Variants in CFAP54 observed in about 807,000 individuals in gnomAD.
CFAP54 encodes the protein cilia- and flagella-associated protein 54.
A neutral mutation model predicts 370.4 loss-of-function variants in CFAP54; 290 were observed. The ratio of observed to expected loss-of-function variants is 0.78; its 90% CI spans 0.71 to 0.86. The LOEUF is 0.86. Among genes scored for constraint, CFAP54 ranks in the 40% least tolerant of loss-of-function variants. The pLI, the probability that CFAP54 is intolerant of heterozygous loss-of-function variation, is 0.00. For synonymous variants in CFAP54, 1,206 were observed against 1,236.5 expected, an observed-to-expected ratio of 0.98 and a Z score of 0.52; for missense variants, 3,399 against 3,528.7, an observed-to-expected ratio of 0.96 and a Z score of 0.93.
chr12:96,843,753 G>T (rs1959257371), intron 66 of CFAP54, among the ~76,000 whole-genome samples: 1 of 152,180 alleles, frequency 6.6e-6, no homozygotes, highest in African/African-American at 2.4e-5. Context: ...CAATTTACAT[G>T]TGTCGAGTTA....
intron 1 of CFAP54, among the ~76,000 whole-genome samples, chr12:96,497,620 A>G (rs1323003778): frequency 6.6e-6 from 1 of 152,236 alleles, no homozygotes; most frequent in Non-Finnish European, 1.5e-5. Flanking sequence ...ACAGTTGAAG[A>G]AACAACCTAA....
chr12:96,624,131 C>A (rs1166120765), intron 28 of CFAP54, among the ~76,000 whole-genome samples: 3 of 152,196 alleles, frequency 2.0e-5, no homozygotes, highest in African/African-American at 7.2e-5. Flanking sequence ...GAGCCTGTGT[C>A]TTCTGACTCT....
Position 96,720,392 on chromosome 12 carries a change from A to T in CFAP54, c.6805-13A>T. 1.4e-6 allele frequency: 2 copies of T among 1,459,806 alleles called. No homozygotes were observed. Among genetic ancestry groups the T allele is most frequent in the Non-Finnish European group, 1.8e-6 (2 of 1,095,730 alleles). The allele number at this position is 1,459,806 out of a possible 1,614,324, so 90.4% of individuals were successfully genotyped here. ...TTTCTGAACTCACGTGATGTATGGT[A>T]TCCTTTCCTTAGTCGATGTTACTGA... is the stretch of plus-strand genomic sequence containing the variant. On this transcript the variant is annotated splice_polypyrimidine_tract_variant and intron_variant, in intron 49 of 67. Transcript: ENST00000524981.
chr12:96,654,749 T>A lies in CFAP54; in HGVS notation c.5100+2934T>A, dbSNP rs74897146. ...GCTATCTACCTTTCCACTGTTAACC[T>A]CCATATGTTCACATTTTTTAGCTGC... On this transcript the variant is annotated intron_variant, in intron 36 of 67. Transcript: ENST00000524981. Among the ~76,000 whole-genome samples the A allele has an allele frequency of 7.4e-3, 1,132 of 151,990 alleles. 5 individuals carry two copies. The highest frequency in any genetic ancestry group is 0.014 in the Admixed American group (206 of 15,258).
chr12:96,825,386 A>C (rs1959080941), intron 65 of CFAP54, among the ~76,000 whole-genome samples: 1 of 113,390 alleles, frequency 8.8e-6, no homozygotes, highest in Non-Finnish European at 1.7e-5. Context: ...TGTGTTATAT[A>C]TTATGTAACA....
chr12:96,720,065 T>G (rs954553817), intron 49 of CFAP54, among the ~76,000 whole-genome samples: 1 of 152,226 alleles, frequency 6.6e-6, no homozygotes, highest in African/African-American at 2.4e-5. Context: ...TCTCGGGTAC[T>G]TTTCTCCATG....
intron 43 of CFAP54, among the ~76,000 whole-genome samples, chr12:96,689,982 G>C (rs1264105846): frequency 6.6e-6 from 1 of 152,140 alleles, no homozygotes; most frequent in African/African-American, 2.4e-5. Context: ...TCTTGCCTGG[G>C]CTTCAAAGGG....
intron 19 of CFAP54, chr12:96,573,088 C>T (rs527918650): frequency 2.1e-4 from 195 of 942,532 alleles, no homozygotes; most frequent in Non-Finnish European, 2.4e-4. Context: ...GGCCAGTGGG[C>T]CAGTGCTGCT....
chr12:96,505,805 T>G (rs532957107), intron 3 of CFAP54, among the ~76,000 whole-genome samples: 2 of 152,098 alleles, frequency 1.3e-5, no homozygotes, highest in Admixed American at 6.6e-5. Flanking sequence ...CAAAATACTT[T>G]CAATTCAGTG....
intron 14 of CFAP54, among the ~76,000 whole-genome samples, chr12:96,546,559 T>G (rs1955642387): frequency 6.6e-6 from 1 of 152,236 alleles, no homozygotes; most frequent in Non-Finnish European, 1.5e-5. Flanking sequence ...CCAGGTGCAG[T>G]GGCTCATGCC....
intron 47 of CFAP54, among the ~76,000 whole-genome samples, chr12:96,705,661 A>G (rs1160939719): frequency 6.6e-6 from 1 of 152,228 alleles, no homozygotes; most frequent in African/African-American, 2.4e-5. Context: ...TTATTCAAAA[A>G]GAGACTAACA....
chr12:96,794,717 C>T (rs1388893224), intron 63 of CFAP54, among the ~76,000 whole-genome samples: 1 of 152,168 alleles, frequency 6.6e-6, no homozygotes, highest in Admixed American at 6.5e-5. Flanking sequence ...TAATAATCAA[C>T]CTTCTGAGTT....
At chr12:96,523,711 AT>A (rs11309428) in intron 8 of CFAP54, among the ~76,000 whole-genome samples, 140,978 of 151,982 alleles carry the variant, frequency 0.93, 65,433 homozygotes, top group East Asian at 1. Context: ...TCTCCCCGGC[AT>A]TTTTTTTCTC....
At chr12:96,510,578 CAT>C (rs1955154474) in intron 4 of CFAP54, among the ~76,000 whole-genome samples, 1 of 152,160 alleles carries the variant, frequency 6.6e-6, no homozygotes, top group South Asian at 2.1e-4. Flanking sequence ...ATCCTCATCA[CAT>C]GTTTTTTGGA....
At chr12:96,766,217 A>G (rs1055828832) in intron 60 of CFAP54, among the ~76,000 whole-genome samples, 1 of 152,210 alleles carries the variant, frequency 6.6e-6, no homozygotes, top group African/African-American at 2.4e-5. Context: ...TCTGAAGCAT[A>G]GGTGTCCCAA....
At chr12:96,537,021 A>G (rs934173955) in intron 12 of CFAP54, among the ~76,000 whole-genome samples, 3 of 140,108 alleles carry the variant, frequency 2.1e-5, no homozygotes, top group Non-Finnish European at 4.8e-5. Context: ...TTCAATAAAC[A>G]CTTATTGATA....
chr12:96,833,171 A>T (rs753680690), intron 66 of CFAP54, among the ~76,000 whole-genome samples: 6 of 152,216 alleles, frequency 3.9e-5, no homozygotes, highest in Non-Finnish European at 5.9e-5. Flanking sequence ...TAACCATTAC[A>T]TATGATTTCT....
intron 1 of CFAP54, among the ~76,000 whole-genome samples, chr12:96,496,191 C>T (rs2136343776): frequency 6.6e-6 from 1 of 152,306 alleles, no homozygotes; most frequent in Admixed American, 6.5e-5. Flanking sequence ...GTCTCCTTCA[C>T]TCAATCAGTG....
chr12:96,503,141 C>T (rs1000388304), intron 2 of CFAP54, among the ~76,000 whole-genome samples: 1 of 144,016 alleles, frequency 6.9e-6, no homozygotes, highest in African/African-American at 2.5e-5. Context: ...TCTCTCTCCT[C>T]TTTCTTTCTT....
Sources: allele counts gnomAD v4.1 joint callset (sites outside exome capture counted in the v4.1 genomes callset), GRCh38; gene constraint gnomAD v4.1.1; transcripts MANE v1.5; gene names NCBI Gene and HGNC (gene_info 2026-07-23, HGNC 2026-07-21).